Variants in RASA1 observed in about 807,000 individuals in gnomAD.
RASA1 encodes the protein RAS p21 protein activator 1, also known as ras GTPase-activating protein 1.
RASA1 carries 25 observed loss-of-function variants against 132.2 expected under a neutral mutation model. That is an observed-to-expected ratio of 0.19 (90% confidence interval 0.14 to 0.26). The LOEUF (loss-of-function observed/expected upper bound fraction) is 0.26. Among genes scored for constraint, RASA1 ranks in the 10% least tolerant of loss-of-function variants. RASA1 has a pLI of 1.00. For missense variants in RASA1, 964 were observed against 1,299.2 expected, an observed-to-expected ratio of 0.74 and a Z score of 3.97; for synonymous variants, 477 against 449.9, an observed-to-expected ratio of 1.06 and a Z score of -0.76.
chr5:87,341,172 T>C (rs1280157390), intron 5 of RASA1, 118 bp from the exon 6 acceptor site: 1 of 548,896 alleles, frequency 1.8e-6, no homozygotes, highest in Non-Finnish European at 2.8e-6. Flanking sequence ...TCTTTTTTTA[T>C]ATAAACATAA....
At chr5:87,310,837 G>T (rs114728294) in intron 1 of RASA1, among the ~76,000 whole-genome samples, 1 of 152,074 alleles carries the variant, frequency 6.6e-6, no homozygotes, top group Non-Finnish European at 1.5e-5. Flanking sequence ...AATTAATGTA[G>T]TAATTGCATT....
At chr5:87,378,153 A>G (rs185334531) in intron 17 of RASA1, among the ~76,000 whole-genome samples, 19 of 152,316 alleles carry the variant, frequency 1.2e-4, no homozygotes, top group Admixed American at 5.9e-4. Context: ...ATTTTTCCAT[A>G]TGAACATGGC....
intron 14 of RASA1, 61 bp downstream of exon 14, chr5:87,374,381 T>G (rs1761165494): frequency 6.8e-7 from 1 of 1,480,628 alleles, no homozygotes; most frequent in Admixed American, 1.8e-5. Context: ...TTTCTTTCTG[T>G]TTTTTTGGTC....
chr5:87,282,118 A>C (rs955103093), intron 1 of RASA1, among the ~76,000 whole-genome samples: 85 of 152,120 alleles, frequency 5.6e-4, no homozygotes, highest in African/African-American at 2.0e-3. Flanking sequence ...CTATGATTTG[A>C]AAACCTCTGG....
chr5:87,336,520 T>A (rs1360898525), intron 4 of RASA1, among the ~76,000 whole-genome samples: 1 of 152,100 alleles, frequency 6.6e-6, no homozygotes, highest in African/African-American at 2.4e-5. Flanking sequence ...AATAAAGCAC[T>A]TTAGCCTGTT....
chr5:87,334,150 A>T (rs1045916853), intron 4 of RASA1, among the ~76,000 whole-genome samples: 3 of 152,120 alleles, frequency 2.0e-5, no homozygotes, highest in Non-Finnish European at 2.9e-5. Context: ...GACAGTAAAG[A>T]CCCACAATCG....
intron 1 of RASA1, among the ~76,000 whole-genome samples, chr5:87,293,821 C>G (rs896916051): frequency 1.3e-5 from 2 of 151,736 alleles, no homozygotes; most frequent in Admixed American, 6.6e-5. Flanking sequence ...AGTAGTTGCT[C>G]CATTTCATTT....
chr5:87,270,703 A>AT (rs1753794082), intron 1 of RASA1, among the ~76,000 whole-genome samples: 1 of 117,418 alleles, frequency 8.5e-6, no homozygotes, highest in Non-Finnish European at 1.6e-5. Context: ...TCTTTGGAGC[A>AT]TTTAGAAAGT....
chr5:87,338,536 A>ATATTT lies in RASA1; in HGVS notation c.1017+446_1017+447insATTTT. ...ATATATATATATATATATATATAAA[A>ATATTT]TTTTTTTTTTTTTTAAGTAGAAATG... On this transcript the variant is annotated intron_variant, in intron 5 of 24. Coordinates refer to ENST00000274376, the MANE Select transcript of RASA1 (RefSeq NM_002890.3). Among the ~76,000 whole-genome samples, 62 of 85,218 alleles carry ATATTT rather than the reference A, an allele frequency of 7.3e-4. 4 individuals are homozygous for ATATTT. The highest frequency in any genetic ancestry group is 1.2e-3 in the Admixed American group (9 of 7,720). The allele number at this position is 85,218 out of a possible 152,430, so 55.9% of individuals were successfully genotyped here. A position where few individuals can be genotyped will look rare whatever the true frequency, so the allele number is the denominator to read the frequency against.
chr5:87,354,316 G>A (rs1031077278), intron 9 of RASA1, among the ~76,000 whole-genome samples: 3 of 151,974 alleles, frequency 2.0e-5, no homozygotes, highest in African/African-American at 7.3e-5. Flanking sequence ...CGTCTATTGC[G>A]ACTGTTTTTC....
At chr5:87,284,929 A>G (rs1754477599) in intron 1 of RASA1, among the ~76,000 whole-genome samples, 1 of 152,038 alleles carries the variant, frequency 6.6e-6, no homozygotes, top group African/African-American at 2.4e-5. Flanking sequence ...TTTTGTTTTG[A>G]CATTGTTTTT....
At chr5:87,370,295 A>G (rs1318715669) in intron 12 of RASA1, among the ~76,000 whole-genome samples, 1 of 152,202 alleles carries the variant, frequency 6.6e-6, no homozygotes, top group Non-Finnish European at 1.5e-5. Context: ...TCTGAAAATA[A>G]AAGTCAGTCA....
At position 87,268,427 on chromosome 5, in the gene RASA1, AG is replaced by A; in HGVS notation, c.-22del. The A allele has an allele frequency of 6.6e-7, 1 of 1,525,328 alleles. No individual in the cohort carries two copies. Among genetic ancestry groups the A allele is most frequent in the Non-Finnish European group, 8.8e-7 (1 of 1,133,396 alleles). 94.5% of individuals were successfully genotyped at this position (1,525,328 alleles called of 1,614,324 possible). ...CCTGGGGCTCCCGGGCGGGCAGGGT[AG>A]GGCAGAGTAGAGCGGGCTTCAACAT... On this transcript the variant is annotated 5_prime_UTR_variant, in exon 1 of 25. Transcript: ENST00000274376.
chr5:87,379,220 G>C (rs1474113130), intron 18 of RASA1, among the ~76,000 whole-genome samples: 1 of 152,130 alleles, frequency 6.6e-6, no homozygotes, highest in Admixed American at 6.6e-5. Context: ...ATTTAATGTT[G>C]GAAATGTGGG....
In RASA1 at chr5:87,331,482, A is replaced by G; in HGVS notation, c.674A>G (p.Asn225Ser). 6.2e-7 allele frequency: 1 copy of G among 1,613,882 alleles called. No individual in the cohort carries two copies. Among genetic ancestry groups the G allele is most frequent in the Non-Finnish European group, 8.5e-7 (1 of 1,179,842 alleles). The change falls in exon 2 of 25, where the codon AAT (asparagine) becomes AGT (serine). Residue 225 changes from asparagine (N) to serine (S), a missense_variant. By Grantham distance (46) the Asn-to-Ser change is conservative. Around this residue, in one of 6 missense-constraint regions of RASA1, gnomAD observed 154 missense variants for 286.5 expected, o/e 0.54. Coordinates refer to ENST00000274376, the MANE Select transcript of RASA1 (RefSeq NM_002890.3). ...SFVLSFLSQM[N>S]VVNHFRIIAM... is the part of the protein sequence containing the mutation. ...GTACTTTCATTTCTTAGCCAGATGA[A>G]TGTTGTCAACCATTTTAGGTAAGTC...
intron 1 of RASA1, among the ~76,000 whole-genome samples, chr5:87,320,037 C>T (rs111563451): frequency 2.6e-5 from 4 of 152,296 alleles, no homozygotes; most frequent in African/African-American, 9.6e-5. Flanking sequence ...GTTCAAAGTT[C>T]CATACATCTC....
chr5:87,289,403 C>T (rs906035047), intron 1 of RASA1, among the ~76,000 whole-genome samples: 7 of 151,912 alleles, frequency 4.6e-5, no homozygotes, highest in South Asian at 2.1e-4. Flanking sequence ...TTTTAATAGC[C>T]GTTGATTATT....
intron 1 of RASA1, among the ~76,000 whole-genome samples, chr5:87,306,917 G>A (rs1381813984): frequency 6.6e-6 from 1 of 152,074 alleles, no homozygotes; most frequent in Non-Finnish European, 1.5e-5. Flanking sequence ...GGAGTGCAAT[G>A]GTACGATCAT....
chr5:87,372,892 T>C (rs960071768), intron 13 of RASA1, among the ~76,000 whole-genome samples: 5 of 152,182 alleles, frequency 3.3e-5, no homozygotes, highest in Non-Finnish European at 5.9e-5. Flanking sequence ...ATTAACATAC[T>C]GTTCTACTGG....
Sources: allele counts gnomAD v4.1 joint callset (sites outside exome capture counted in the v4.1 genomes callset), GRCh38; gene constraint gnomAD v4.1.1; regional missense constraint gnomAD v4.1.1; transcripts MANE v1.5; gene names NCBI Gene and HGNC (gene_info 2026-07-23, HGNC 2026-07-21).